Variants in PLPPR1 observed in about 807,000 individuals in gnomAD.
PLPPR1 encodes the protein phospholipid phosphatase-related protein type 1.
A neutral mutation model predicts 33.1 loss-of-function variants in PLPPR1; 10 were observed. The ratio of observed to expected loss-of-function variants is 0.30; its 90% CI spans 0.19 to 0.51. PLPPR1 has a LOEUF of 0.51. PLPPR1 is among the 20% of genes least tolerant of loss of function. The probability of loss-of-function intolerance (pLI) is 0.97; values close to 1 mark genes in which losing one functional copy is unlikely to be tolerated. For synonymous variants in PLPPR1, 151 were observed against 151.0 expected, an observed-to-expected ratio of 1.00 and a Z score of 0.00; for missense variants, 304 against 408.1, an observed-to-expected ratio of 0.74 and a Z score of 2.20.
At chr9:101,291,777 A>G (rs1828514378) in intron 4 of PLPPR1, among the ~76,000 whole-genome samples, 1 of 152,178 alleles carries the variant, frequency 6.6e-6, no homozygotes, top group Non-Finnish European at 1.5e-5. Context: ...CATCCACACC[A>G]AAAACCCATC....
At chr9:101,319,718 A>C (rs1829119362) in intron 7 of PLPPR1, among the ~76,000 whole-genome samples, 1 of 152,232 alleles carries the variant, frequency 6.6e-6, no homozygotes, top group Non-Finnish European at 1.5e-5. Context: ...GTGAAATAGA[A>C]TCTCTCTAAC....
chr9:101,079,748 T>A (rs1171660663), intron 1 of PLPPR1, among the ~76,000 whole-genome samples: 1 of 152,044 alleles, frequency 6.6e-6, no homozygotes, highest in East Asian at 1.9e-4. Context: ...CCTGGCTAAT[T>A]TTTGTATTTT....
chr9:101,089,595 T>G (rs1830718665), intron 1 of PLPPR1, among the ~76,000 whole-genome samples: 1 of 152,200 alleles, frequency 6.6e-6, no homozygotes, highest in African/African-American at 2.4e-5. Flanking sequence ...TATGAACATT[T>G]GTTCATATCA....
At chr9:101,135,131 A>T (rs1230227235) in intron 1 of PLPPR1, among the ~76,000 whole-genome samples, 1 of 152,168 alleles carries the variant, frequency 6.6e-6, no homozygotes, top group African/African-American at 2.4e-5. Flanking sequence ...ATTACAAAGA[A>T]CCTGGACTGG....
intron 1 of PLPPR1, among the ~76,000 whole-genome samples, chr9:101,045,487 T>G (rs919951475): frequency 9.2e-5 from 14 of 151,904 alleles, no homozygotes; most frequent in African/African-American, 3.1e-4. Context: ...CTTCTGAGAG[T>G]TGGAAGCTAG....
intron 1 of PLPPR1, among the ~76,000 whole-genome samples, chr9:101,176,299 G>A (rs780418039): frequency 7.9e-5 from 12 of 152,142 alleles, no homozygotes; most frequent in Non-Finnish European, 1.8e-4. Flanking sequence ...CTCTTGCTGG[G>A]TTCAGGACAG....
intron 1 of PLPPR1, among the ~76,000 whole-genome samples, chr9:101,163,374 A>G (rs959710561): frequency 3.9e-5 from 6 of 152,202 alleles, no homozygotes; most frequent in African/African-American, 1.4e-4. Flanking sequence ...CAAAAAATTT[A>G]CCCCTCATAA....
intron 1 of PLPPR1, among the ~76,000 whole-genome samples, chr9:101,031,436 A>G (rs1427545714): frequency 1.3e-5 from 2 of 152,234 alleles, no homozygotes; most frequent in Non-Finnish European, 1.5e-5. Context: ...ATGAACACAC[A>G]TGAAATAGAA....
intron 1 of PLPPR1, among the ~76,000 whole-genome samples, chr9:101,063,649 C>A (rs1480319493): frequency 6.6e-6 from 1 of 152,078 alleles, no homozygotes; most frequent in Non-Finnish European, 1.5e-5. Flanking sequence ...ATATTTACAT[C>A]TCAGGGCCTT....
At chr9:101,142,546 A>G (rs1033191852) in intron 1 of PLPPR1, among the ~76,000 whole-genome samples, 4 of 152,196 alleles carry the variant, frequency 2.6e-5, no homozygotes, top group Non-Finnish European at 5.9e-5. Context: ...TGTGGCCAGA[A>G]TAGATGCTCC....
intron 2 of PLPPR1, among the ~76,000 whole-genome samples, chr9:101,219,229 G>A (rs1416125922): frequency 6.6e-6 from 1 of 152,236 alleles, no homozygotes; most frequent in African/African-American, 2.4e-5. Flanking sequence ...CATGTAGATA[G>A]ATGGTCCGTG....
intron 1 of PLPPR1, among the ~76,000 whole-genome samples, chr9:101,089,013 A>G (rs1830711930): frequency 6.6e-6 from 1 of 152,200 alleles, no homozygotes; most frequent in African/African-American, 2.4e-5. Context: ...TGAACATTTA[A>G]AACTCACAGG....
At chr9:101,299,687 G>A (rs1274422428) in intron 4 of PLPPR1, among the ~76,000 whole-genome samples, 1 of 152,228 alleles carries the variant, frequency 6.6e-6, no homozygotes, top group East Asian at 1.9e-4. Context: ...CTGAGCAGAA[G>A]ACTGCTTTCT....
chr9:101,163,510 T>C (rs1389230016), intron 1 of PLPPR1, among the ~76,000 whole-genome samples: 2 of 152,148 alleles, frequency 1.3e-5, no homozygotes, highest in East Asian at 3.9e-4. Context: ...GTTGAACAGG[T>C]GCTTTTTCAT....
intron 4 of PLPPR1, among the ~76,000 whole-genome samples, chr9:101,297,659 C>T (rs1490728480): frequency 6.6e-6 from 1 of 152,148 alleles, no homozygotes; most frequent in Non-Finnish European, 1.5e-5. Flanking sequence ...TATAGTTTCT[C>T]AAGTTATATT....
At chr9:101,212,081 T>C (rs1337812699) in intron 2 of PLPPR1, among the ~76,000 whole-genome samples, 2 of 152,096 alleles carry the variant, frequency 1.3e-5, no homozygotes, top group African/African-American at 2.4e-5. Context: ...ATCTTGGCTA[T>C]TGTTTGTTTG....
intron 2 of PLPPR1, among the ~76,000 whole-genome samples, chr9:101,193,165 G>A (rs1369944437): frequency 1.3e-5 from 2 of 152,144 alleles, no homozygotes; most frequent in South Asian, 2.1e-4. Flanking sequence ...AATGGGTCTG[G>A]CACTGGAGGA....
At chr9:101,140,242 CAG>C (rs1484746153) in intron 1 of PLPPR1, among the ~76,000 whole-genome samples, 2 of 151,944 alleles carry the variant, frequency 1.3e-5, no homozygotes, top group African/African-American at 4.8e-5. Flanking sequence ...TCTAGGGAAA[CAG>C]AAAATAAGGT....
At chr9:101,080,265 G>T (rs922572305) in intron 1 of PLPPR1, among the ~76,000 whole-genome samples, 1 of 152,094 alleles carries the variant, frequency 6.6e-6, no homozygotes, top group African/African-American at 2.4e-5. Context: ...GATATGGCTG[G>T]GTGCAGTGGC....
Sources: allele counts gnomAD v4.1 joint callset (sites outside exome capture counted in the v4.1 genomes callset), GRCh38; gene constraint gnomAD v4.1.1; transcripts MANE v1.5; gene names NCBI Gene and HGNC (gene_info 2026-07-23, HGNC 2026-07-21).